The following GRIK2 variants were observed in gnomAD, a reference collection of about 807,000 sequenced individuals.
GRIK2 encodes the protein glutamate ionotropic receptor kainate type subunit 2.
In GRIK2, 32 loss-of-function variants were observed where a neutral mutation model predicts 100.3. That is an observed-to-expected ratio of 0.32 (90% confidence interval 0.24 to 0.43). GRIK2 has a LOEUF of 0.43. Ranked by LOEUF, GRIK2 falls within the 20% of genes least tolerant of loss-of-function variation. The probability of loss-of-function intolerance (pLI) is 1.00; values close to 1 mark genes in which losing one functional copy is unlikely to be tolerated. For missense variants in GRIK2, 843 were observed against 1,114.9 expected, an observed-to-expected ratio of 0.76 and a Z score of 3.47; for synonymous variants, 417 against 389.4, an observed-to-expected ratio of 1.07 and a Z score of -0.83.
At chr6:101,774,624 ATAAT>A (rs1228488153) in intron 7 of GRIK2, among the ~76,000 whole-genome samples, 1 of 152,200 alleles carries the variant, frequency 6.6e-6, no homozygotes, top group Non-Finnish European at 1.5e-5. Context: ...TTAGGTAAGA[ATAAT>A]TACATTAGTT....
At chr6:101,423,056 G>A (rs1562126355) in intron 2 of GRIK2, among the ~76,000 whole-genome samples, 1 of 152,172 alleles carries the variant, frequency 6.6e-6, no homozygotes, top group Non-Finnish European at 1.5e-5. Context: ...AAGTCTGAAG[G>A]CACTGCTGAC....
At chr6:101,842,438 T>A (rs2128435251) in intron 10 of GRIK2, among the ~76,000 whole-genome samples, 1 of 152,306 alleles carries the variant, frequency 6.6e-6, no homozygotes, top group Non-Finnish European at 1.5e-5. Flanking sequence ...CATCTAATGA[T>A]CCTTTTTTCT....
chr6:101,838,260 G>A (rs770531132), intron 10 of GRIK2, among the ~76,000 whole-genome samples: 1 of 152,078 alleles, frequency 6.6e-6, no homozygotes, highest in African/African-American at 2.4e-5. Flanking sequence ...ATTTCTGAAG[G>A]TTTCCATGTC....
intron 15 of GRIK2, among the ~76,000 whole-genome samples, chr6:102,045,152 C>T (rs2782920): frequency 0.27 from 41,528 of 151,784 alleles, 5,790 homozygotes; most frequent in Non-Finnish European, 0.31. Flanking sequence ...AACAATATAA[C>T]CATGACCCCT....
intron 10 of GRIK2, among the ~76,000 whole-genome samples, chr6:101,824,703 C>T (rs1053345470): frequency 6.6e-6 from 1 of 152,154 alleles, no homozygotes; most frequent in Non-Finnish European, 1.5e-5. Flanking sequence ...GATTCCTTCT[C>T]CCCAGTGGCT....
chr6:101,941,342 A>T (rs1429104155), intron 14 of GRIK2, among the ~76,000 whole-genome samples: 2 of 152,142 alleles, frequency 1.3e-5, no homozygotes, highest in Non-Finnish European at 2.9e-5. Flanking sequence ...CTGGATAAGG[A>T]TATGTTAACT....
intron 5 of GRIK2, among the ~76,000 whole-genome samples, chr6:101,680,262 A>G (rs552889845): frequency 6.6e-6 from 1 of 152,342 alleles, no homozygotes; most frequent in Admixed American, 6.5e-5. Flanking sequence ...ACACCAAAGC[A>G]GAATTTGATG....
intron 14 of GRIK2, among the ~76,000 whole-genome samples, chr6:101,972,284 T>G (rs1425810564): frequency 2.0e-5 from 3 of 152,042 alleles, no homozygotes; most frequent in Non-Finnish European, 2.9e-5. Flanking sequence ...GTCTGTTTAA[T>G]AATCACCGTT....
chr6:102,031,288 G>A (rs1769986279), intron 14 of GRIK2, among the ~76,000 whole-genome samples: 1 of 150,926 alleles, frequency 6.6e-6, no homozygotes, highest in Admixed American at 6.6e-5. Flanking sequence ...ATCATCCATA[G>A]ACAATCTGCT....
chr6:101,567,092 G>C (rs762481010), intron 2 of GRIK2, among the ~76,000 whole-genome samples: 1 of 151,518 alleles, frequency 6.6e-6, no homozygotes, highest in Non-Finnish European at 1.5e-5. Context: ...TCAATATAAA[G>C]GTCAGAAACT....
At chr6:101,521,892 T>G (rs545289848) in intron 2 of GRIK2, among the ~76,000 whole-genome samples, 2 of 152,046 alleles carry the variant, frequency 1.3e-5, no homozygotes, top group African/African-American at 4.8e-5. Context: ...TCCAGAAAAA[T>G]GCATTGTTTG....
chr6:101,534,311 C>T (rs1775584918), intron 2 of GRIK2, among the ~76,000 whole-genome samples: 2 of 151,818 alleles, frequency 1.3e-5, no homozygotes, highest in Non-Finnish European at 2.9e-5. Flanking sequence ...TCATTTTATG[C>T]TTTAATACAG....
intron 16 of GRIK2, among the ~76,000 whole-genome samples, chr6:102,061,819 CATTATT>C (rs1181347853): frequency 3.3e-5 from 5 of 149,960 alleles, no homozygotes; most frequent in African/African-American, 9.7e-5. Flanking sequence ...AAAATAATAT[CATTATT>C]ATTATTTGTA....
At chr6:101,860,500 G>A (rs369256694) in intron 11 of GRIK2, among the ~76,000 whole-genome samples, 2 of 152,154 alleles carry the variant, frequency 1.3e-5, no homozygotes, top group South Asian at 4.1e-4. Context: ...GCATTAGCAT[G>A]GTGTGAGGGT....
At chr6:101,760,862 A>T (rs555772777) in intron 7 of GRIK2, among the ~76,000 whole-genome samples, 2 of 150,340 alleles carry the variant, frequency 1.3e-5, no homozygotes, top group Admixed American at 1.3e-4. Flanking sequence ...TAACACTGTC[A>T]TACAAAATTA....
At chr6:101,900,972 C>T (rs1315599417) in intron 12 of GRIK2, among the ~76,000 whole-genome samples, 1 of 151,386 alleles carries the variant, frequency 6.6e-6, no homozygotes, top group African/African-American at 2.4e-5. Flanking sequence ...GACCTTCTGA[C>T]TTATCTGAGG....
At chr6:101,566,493 AAG>A (rs33990349) in intron 2 of GRIK2, among the ~76,000 whole-genome samples, 13,333 of 151,908 alleles carry the variant, frequency 0.088, 1,559 homozygotes, top group African/African-American at 0.27. Flanking sequence ...ATATTTAAAA[AAG>A]AGTCTTGCCT....
chr6:101,991,098 A>G (rs915474933), intron 14 of GRIK2, among the ~76,000 whole-genome samples: 4 of 151,842 alleles, frequency 2.6e-5, no homozygotes, highest in Non-Finnish European at 5.9e-5. Flanking sequence ...GACAAAAATA[A>G]CAAGTATGGA....
At chr6:101,711,473 T>C (rs1227338621) in intron 7 of GRIK2, among the ~76,000 whole-genome samples, 1 of 151,756 alleles carries the variant, frequency 6.6e-6, no homozygotes, top group Non-Finnish European at 1.5e-5. Context: ...TCTAAATATA[T>C]AGTAGTAATA....
Sources: allele counts gnomAD v4.1 joint callset (sites outside exome capture counted in the v4.1 genomes callset), GRCh38; gene constraint gnomAD v4.1.1; transcripts MANE v1.5; gene names NCBI Gene and HGNC (gene_info 2026-07-23, HGNC 2026-07-21).